Variants in CNTFR observed in about 807,000 individuals in gnomAD.
CNTFR encodes ciliary neurotrophic factor receptor subunit alpha.
CNTFR carries 12 observed loss-of-function variants against 40.4 expected under a neutral mutation model. The ratio of observed to expected loss-of-function variants is 0.30; its 90% CI spans 0.19 to 0.48. The LOEUF is 0.48. Ranked by LOEUF, CNTFR falls within the 20% of genes least tolerant of loss-of-function variation. The probability of loss-of-function intolerance (pLI) is 0.99; values close to 1 mark genes in which losing one functional copy is unlikely to be tolerated. For missense variants in CNTFR, 414 were observed against 506.8 expected (o/e 0.82, Z 1.76); for synonymous variants, 202 against 209.6 (o/e 0.96, Z 0.31).
intron 3 of CNTFR, among the ~76,000 whole-genome samples, chr9:34,566,328 G>A (rs1564064988): frequency 6.6e-6 from 1 of 152,114 alleles, no homozygotes; most frequent in Non-Finnish European, 1.5e-5. Context: ...AAGGAAGCAG[G>A]AAACCCAGCC....
In CNTFR at chr9:34,568,996, CG is replaced by C. The variant is rs762063501; in HGVS notation, c.1-16del. The C allele has an allele frequency of 3.6e-5, 55 of 1,541,576 alleles. 1 individual carries two copies. In the Admixed American group the frequency reaches 1.0e-3, roughly 28 times the overall value. On this transcript the variant is annotated splice_polypyrimidine_tract_variant and intron_variant, in intron 2 of 9. Coordinates refer to ENST00000378980, the MANE Select transcript of CNTFR (RefSeq NM_147164.3). ...GGAGCAGCCATCTGTTGGGAGAAACCGGGGTGGGGGAGGGGTCAGCATCAGC... is the reference window on the plus strand; with the variant it reads ...GGAGCAGCCATCTGTTGGGAGAAACCGGGTGGGGGAGGGGTCAGCATCAGC...
intron 6 of CNTFR, 135 bp from the exon 7 acceptor site, chr9:34,556,553 G>A: frequency 2.4e-6 from 2 of 819,190 alleles, no homozygotes; most frequent in African/African-American, 1.7e-5. Flanking sequence ...CCTCTTCTCT[G>A]TTGTCAATTC....
chr9:34,556,339 G>C lies in CNTFR; in HGVS notation c.684C>G (p.Thr228=), dbSNP rs1167999295. The part of the protein sequence containing the change: ...NPRRLEVTWQ[T]PSTWPDPESF... Reference sequence around the variant, plus strand: ...ACTCAGGGTCAGGCCAGGTCGAGGGGGTCTGCCACGTCACCTCCAGCCGGC... The same window carrying C: ...ACTCAGGGTCAGGCCAGGTCGAGGGCGTCTGCCACGTCACCTCCAGCCGGC... The change falls in exon 7 of 10, where the codon ACC becomes ACG. Residue 228 remains threonine, a synonymous_variant. Coordinates refer to ENST00000378980, the MANE Select transcript of CNTFR (RefSeq NM_147164.3). 6.2e-7 allele frequency: 1 copy of C among 1,613,802 alleles called. No individual in the cohort carries two copies. Among genetic ancestry groups the C allele is most frequent in the Admixed American group, 1.7e-5 (1 of 59,994 alleles).
chr9:34,577,977 C>CG (rs1476230873), intron 2 of CNTFR, among the ~76,000 whole-genome samples: 1 of 151,220 alleles, frequency 6.6e-6, no homozygotes, highest in African/African-American at 2.4e-5. Context: ...GTCGCGGCGG[C>CG]GGGGGTGACA....
At chr9:34,553,694 C>T (rs1461657554) in intron 7 of CNTFR, among the ~76,000 whole-genome samples, 3 of 152,186 alleles carry the variant, frequency 2.0e-5, no homozygotes, top group Non-Finnish European at 4.4e-5. Flanking sequence ...CGCCACCCCA[C>T]TCTCGCCCCG....
chr9:34,557,843 C>T lies in CNTFR; in HGVS notation c.437+24G>A, dbSNP rs766059728. 26 of 1,547,988 alleles carry T rather than the reference C, an allele frequency of 1.7e-5. No homozygotes were observed. The Admixed American group carries it at 2.0e-4, about 12-fold the overall frequency. On this transcript the variant is annotated intron_variant, in intron 5 of 9. Transcript: ENST00000378980. The surrounding 1 kb of genome is among the most constrained non-coding windows in gnomAD (Gnocchi z 4.2). ...AGAGGTCAGAGGTCAGGGCTGGACC[C>T]GGGTCACAGGCGCAGCTACTCACAG...
chr9:34,579,114 A>G (rs1161811342), intron 2 of CNTFR, among the ~76,000 whole-genome samples: 2 of 152,210 alleles, frequency 1.3e-5, no homozygotes, highest in Non-Finnish European at 2.9e-5. Context: ...CGGGGGCACC[A>G]GACAGCTGGG....
intron 6 of CNTFR, among the ~76,000 whole-genome samples, chr9:34,556,714 A>T (rs1825847772): frequency 1.3e-5 from 2 of 152,026 alleles, no homozygotes; most frequent in Non-Finnish European, 2.9e-5. Flanking sequence ...CTATCCTCAT[A>T]CTGACCTGCA....
rs547464999 is a variant in CNTFR, at chr9:34,574,351, C to A, written c.1-5370G>T. 3.3e-5 allele frequency among the ~76,000 whole-genome samples: 5 copies of A among 152,310 alleles called. No homozygotes were observed. The South Asian group carries it at 1.0e-3, about 32-fold the overall frequency. ...CTTCTCTTTTCCCTCCTCTCTGAAT[C>A]CAGACCTGCCTCTCCTCTCAGCTCT... On this transcript the variant is annotated intron_variant, in intron 2 of 9. Transcript: ENST00000378980.
intron 4 of CNTFR, among the ~76,000 whole-genome samples, chr9:34,561,507 AGAGGAGTCCTTAGGGCTCTGCTCGT>A (rs1474927107): frequency 6.6e-6 from 1 of 152,154 alleles, no homozygotes; most frequent in South Asian, 2.1e-4. Flanking sequence ...CCTAGGGAGG[AGAGGAGTCCTTAGGGCTCTGCTCGT>A]GAGGATCCAC....
chr9:34,559,777 G>A (rs1020022288), intron 4 of CNTFR, among the ~76,000 whole-genome samples: 4 of 152,198 alleles, frequency 2.6e-5, no homozygotes, highest in East Asian at 1.9e-4. Flanking sequence ...GGTGGGGATC[G>A]GAGTGTGCAG....
At chr9:34,575,482 G>A (rs1353368492) in intron 2 of CNTFR, among the ~76,000 whole-genome samples, 1 of 152,086 alleles carries the variant, frequency 6.6e-6, no homozygotes, top group Non-Finnish European at 1.5e-5. Context: ...CAGGAAGGAG[G>A]CTGCAAGGCA....
chr9:34,557,783 G>C lies in CNTFR; in HGVS notation c.437+84C>G. ...AAAGGTCAAGCCCAAGGCAGGGCTG[G>C]GGTATGGACAGAGGGCATGGTGGTG... is the stretch of plus-strand genomic sequence containing the variant. On this transcript the variant is annotated intron_variant, in intron 5 of 9. Coordinates refer to ENST00000378980, the MANE Select transcript of CNTFR (RefSeq NM_147164.3). This position sits in a 1 kb window ranked among gnomAD's most constrained non-coding sequence, Gnocchi z 4.2. 6.4e-7 allele frequency: 1 copy of C among 1,570,990 alleles called. No homozygotes were observed. The highest frequency in any genetic ancestry group is 1.1e-5 in the South Asian group (1 of 87,480).
intron 3 of CNTFR, among the ~76,000 whole-genome samples, chr9:34,566,317 G>A (rs543935261): frequency 5.3e-5 from 8 of 152,270 alleles, no homozygotes; most frequent in African/African-American, 1.7e-4. Flanking sequence ...TGTCAGAGAA[G>A]AAGGAAGCAG....
At position 34,552,714 on chromosome 9, in the gene CNTFR, A is replaced by G. The variant is rs1451964275; in HGVS notation, c.909T>C (p.Thr303=). The G allele has an allele frequency of 6.2e-7, 1 of 1,613,856 alleles. No individual in the cohort carries two copies. Among genetic ancestry groups the G allele is most frequent in the Non-Finnish European group, 8.5e-7 (1 of 1,179,974 alleles). ...WSVAAHATPW[T]EEPRHLTTEA... ...CCGTGGTGAGGTGTCGCGGTTCCTC[A>G]GTCCAGGGCGTAGCGTGGGCGGCTA... Residue 303 remains threonine, a synonymous_variant, in exon 8 of 10, where the codon ACT becomes ACC. Coordinates refer to ENST00000378980, the MANE Select transcript of CNTFR (RefSeq NM_147164.3). This position sits in a 1 kb window ranked among gnomAD's most constrained non-coding sequence, Gnocchi z 5.1.
Position 34,552,420 on chromosome 9 carries a change from A to G in CNTFR, c.950-91T>C. ...TGAGACATACCATTCTGCTTCCTGC[A>G]TCAGACTGGTACTGCCTCCCCCATC... On this transcript the variant is annotated intron_variant, in intron 8 of 9. Transcript: ENST00000378980. This position sits in a 1 kb window ranked among gnomAD's most constrained non-coding sequence, Gnocchi z 5.1. The G allele has an allele frequency of 3.7e-6, 5 of 1,347,146 alleles. No homozygotes were observed. The highest frequency in any genetic ancestry group is 5.0e-6 in the Non-Finnish European group (5 of 1,000,468). The allele number at this position is 1,347,146 out of a possible 1,614,324, so 83.4% of individuals were successfully genotyped here. A position where few individuals can be genotyped will look rare whatever the true frequency, so the allele number is the denominator to read the frequency against.
At chr9:34,573,054 A>C (rs1053217774) in intron 2 of CNTFR, among the ~76,000 whole-genome samples, 2 of 152,240 alleles carry the variant, frequency 1.3e-5, no homozygotes, top group African/African-American at 4.8e-5. Flanking sequence ...ACACAGCGAC[A>C]GGCTCCAGGT....
chr9:34,558,025 C>T (rs1365097581), intron 4 of CNTFR, 41 bp from the exon 5 acceptor site: 1 of 1,420,740 alleles, frequency 7.0e-7, no homozygotes, highest in Non-Finnish European at 9.5e-7. Context: ...TCTTGGAGCT[C>T]CCAGTCCCCT....
chr9:34,586,997 A>C (rs1827574047), intron 1 of CNTFR, among the ~76,000 whole-genome samples: 1 of 151,664 alleles, frequency 6.6e-6, no homozygotes, highest in Non-Finnish European at 1.5e-5. Flanking sequence ...TGTGGATCTG[A>C]ATGTGAGCCC....
Sources: gnomAD v4.1 joint callset for allele counts (sites outside exome capture counted in the v4.1 genomes callset) on GRCh38, gnomAD v4.1.1 for gene constraint, Gnocchi (gnomAD v3.1) non-coding constraint, MANE v1.5 for transcripts, NCBI Gene and HGNC (gene_info 2026-07-23, HGNC 2026-07-21) for gene names.